Variants in TENM2 observed in about 807,000 individuals in gnomAD.
TENM2 encodes the protein teneurin transmembrane protein 2.
In TENM2, 52 loss-of-function variants were observed where a neutral mutation model predicts 245.2. The ratio of observed to expected loss-of-function variants is 0.21; its 90% CI spans 0.17 to 0.27. TENM2 has a LOEUF of 0.27. Ranked by LOEUF, TENM2 falls within the 10% of genes least tolerant of loss-of-function variation. The probability of loss-of-function intolerance (pLI) is 1.00; values close to 1 mark genes in which losing one functional copy is unlikely to be tolerated. For missense variants in TENM2, 3,046 were observed against 3,666.8 expected (o/e 0.83, Z 4.37); for synonymous variants, 1,363 against 1,438.9 (o/e 0.95, Z 1.19).
chr5:167,909,027 C>T (rs1776337072), intron 3 of TENM2, among the ~76,000 whole-genome samples: 1 of 149,640 alleles, frequency 6.7e-6, no homozygotes, highest in South Asian at 2.1e-4. Flanking sequence ...CTCAGTGTGA[C>T]ATTTCTGCTG....
At chr5:167,318,828 T>A (rs1367906329) in intron 1 of TENM2, among the ~76,000 whole-genome samples, 1 of 152,220 alleles carries the variant, frequency 6.6e-6, no homozygotes, top group Non-Finnish European at 1.5e-5. Context: ...AAGTGGAATC[T>A]GTGCATGTGA....
At chr5:168,022,899 C>T (rs898160850) in intron 5 of TENM2, among the ~76,000 whole-genome samples, 3 of 152,180 alleles carry the variant, frequency 2.0e-5, no homozygotes, top group African/African-American at 7.2e-5. Flanking sequence ...CTCGAAGCCA[C>T]ACTGCAGTGT....
chr5:168,034,018 C>T lies in TENM2; in HGVS notation c.1187-13409C>T, dbSNP rs910345205. On this transcript the variant is annotated intron_variant, in intron 5 of 28. Transcript: ENST00000518659. ...CTCCAGCCTGAGCAACAGAGCGAGA[C>T]TCCGTCTCAAATATATATATATATG... 5.0e-5 allele frequency among the ~76,000 whole-genome samples: 7 copies of T among 139,742 alleles called. No individual in the cohort carries two copies. The East Asian group carries it at 1.2e-3, about 23-fold the overall frequency. 91.7% of individuals were successfully genotyped at this position (139,742 alleles called of 152,430 possible).
intron 2 of TENM2, among the ~76,000 whole-genome samples, chr5:167,667,940 G>A (rs1755677757): frequency 6.6e-6 from 1 of 152,150 alleles, no homozygotes; most frequent in South Asian, 2.1e-4. Flanking sequence ...TCTAACCAAG[G>A]AAAACACAGT....
chr5:168,034,471 C>G (rs1787485516), intron 5 of TENM2, among the ~76,000 whole-genome samples: 1 of 151,886 alleles, frequency 6.6e-6, no homozygotes, highest in Admixed American at 6.6e-5. Context: ...GTGGCTCATA[C>G]TTGTAATCCC....
Position 167,293,695 on chromosome 5 carries a change from C to T in TENM2, c.226+8632C>T, listed in dbSNP as rs542759198. Among the ~76,000 whole-genome samples, 326 of 152,172 alleles carry T rather than the reference C, an allele frequency of 2.1e-3. 2 individuals are homozygous for T. The highest frequency in any genetic ancestry group is 7.6e-3 in the African/African-American group (314 of 41,506). On this transcript the variant is annotated intron_variant, in intron 1 of 28. Coordinates refer to ENST00000518659, the Ensembl canonical transcript of TENM2. The stretch of plus-strand genomic sequence containing the variant: ...GCAAATAACCCCTTAAGTGGAAGTA[C>T]ATAGATTGTTAGTTCAGGTTCTTCT...
chr5:168,217,943 T>C (rs1022464388), intron 22 of TENM2, among the ~76,000 whole-genome samples, 182 bp from the exon 25 acceptor site: 1 of 152,212 alleles, frequency 6.6e-6, no homozygotes, highest in Admixed American at 6.5e-5. Flanking sequence ...TTATCTCTTC[T>C]TCTCCATCAC....
chr5:167,596,496 A>T (rs1353005611), intron 2 of TENM2, among the ~76,000 whole-genome samples: 2 of 152,168 alleles, frequency 1.3e-5, no homozygotes, highest in African/African-American at 2.4e-5. Context: ...GGTAAAAAAT[A>T]AAAAATAAAA....
At chr5:166,998,329 A>G in the TENM2 span, among the ~76,000 whole-genome samples, 2 of 152,168 alleles carry the variant, frequency 1.3e-5, no homozygotes, top group Admixed American at 1.3e-4. Flanking sequence ...TTTTCCATGC[A>G]GTAAGAATTT....
At chr5:167,801,119 T>C (rs1464952650) in intron 2 of TENM2, among the ~76,000 whole-genome samples, 1,165 of 47,900 alleles carry the variant, frequency 0.024, 30 homozygotes, top group Non-Finnish European at 0.03. Context: ...AATATATATA[T>C]ATATATATAT....
chr5:167,181,880 T>C, the TENM2 span, among the ~76,000 whole-genome samples: 1 of 152,182 alleles, frequency 6.6e-6, no homozygotes, highest in African/African-American at 2.4e-5. Context: ...CTCAGATTCC[T>C]TTAGAAGGGT....
intron 2 of TENM2, among the ~76,000 whole-genome samples, chr5:167,445,336 T>TATATATATATATATATATAGAGAG (rs368881390): frequency 1.3e-5 from 1 of 77,308 alleles, no homozygotes; most frequent in African/African-American, 5.5e-5. Context: ...TATATATATA[T>TATATATATATATATATATAGAGAG]AGAGAGAGAG....
intron 12 of TENM2, among the ~76,000 whole-genome samples, chr5:168,155,582 T>C (rs1203554299): frequency 6.6e-6 from 1 of 152,084 alleles, no homozygotes; most frequent in East Asian, 1.9e-4. Flanking sequence ...CTGGTGGTCA[T>C]TGGGAGAATG....
intron 25 of TENM2, among the ~76,000 whole-genome samples, chr5:168,242,867 G>A (rs762675796): frequency 1.3e-5 from 2 of 151,676 alleles, no homozygotes; most frequent in South Asian, 4.1e-4. Context: ...TGAGGCAGGA[G>A]AATCACTTGA....
Position 168,218,996 on chromosome 5 carries a change from A to T in TENM2, c.5105A>T (p.Tyr1702Phe). The T allele has an allele frequency of 6.2e-7, 1 of 1,612,448 alleles. No individual in the cohort carries two copies. The highest frequency in any genetic ancestry group is 1.1e-5 in the South Asian group (1 of 90,996). ...GATGAAACAGGATGGACGACTTTCTATGAGTAAGTGGGTTTGTAAAGCATC... is the reference window on the plus strand; with the variant it reads ...GATGAAACAGGATGGACGACTTTCTTTGAGTAAGTGGGTTTGTAAAGCATC... The change falls in exon 23 of 29, where the codon TAT becomes TTT. Residue 1702 changes from tyrosine to phenylalanine, a missense_variant. Transcript: ENST00000518659. This position sits in a 1 kb window ranked among gnomAD's most constrained non-coding sequence, Gnocchi z 5.2.
In TENM2 at chr5:167,625,233, G is replaced by T. The variant is rs1778424286; in HGVS notation, c.502+249760G>T. Among the ~76,000 whole-genome samples, 2 of 152,128 alleles carry T rather than the reference G, an allele frequency of 1.3e-5. 1 individual carries two copies. The highest frequency in any genetic ancestry group is 4.1e-4 in the South Asian group (2 of 4,826). On this transcript the variant is annotated intron_variant, in intron 2 of 28. Transcript: ENST00000518659. ...CAAAGCTAGACTAAGATGACTTTTT[G>T]CATACTGCCTACAACAGCTATCTGG...
chr5:167,588,127 TC>T, intron 2 of TENM2, among the ~76,000 whole-genome samples: 1 of 152,320 alleles, frequency 6.6e-6, no homozygotes, highest in South Asian at 2.1e-4. Flanking sequence ...GAATTAAGTT[TC>T]CATATGTTTC....
At chr5:168,135,614 G>A (rs992578192) in intron 12 of TENM2, among the ~76,000 whole-genome samples, 2 of 152,024 alleles carry the variant, frequency 1.3e-5, no homozygotes, top group Non-Finnish European at 2.9e-5. Context: ...ACACAAAATA[G>A]CAGCTACACG....
intron 2 of TENM2, among the ~76,000 whole-genome samples, chr5:167,428,510 A>G (rs1208517281): frequency 6.6e-6 from 1 of 152,138 alleles, no homozygotes; most frequent in African/African-American, 2.4e-5. Context: ...TTCCTTTTTT[A>G]TTTTATATAT....
Sources: allele counts gnomAD v4.1 joint callset (sites outside exome capture counted in the v4.1 genomes callset), GRCh38; gene constraint gnomAD v4.1.1; non-coding constraint Gnocchi (gnomAD v3.1); transcripts MANE v1.5; gene names NCBI Gene and HGNC (gene_info 2026-07-23, HGNC 2026-07-21).